The following NBPF12 variants were observed in gnomAD, a reference collection of about 807,000 sequenced individuals.
NBPF12 encodes NBPF member 12.
A neutral mutation model predicts 146.4 loss-of-function variants in NBPF12; 115 were observed. The ratio of observed to expected loss-of-function variants is 0.79; its 90% confidence interval spans 0.68 to 0.92. The LOEUF (loss-of-function observed/expected upper bound fraction) is 0.92, where lower values mean the gene tolerates loss of function less well. Among genes scored for constraint, NBPF12 ranks in the 40% least tolerant of loss-of-function variants. The probability of loss-of-function intolerance (pLI) is 0.00; values close to 1 mark genes in which losing one functional copy is unlikely to be tolerated. For synonymous variants in NBPF12, 385 were observed against 508.9 expected (o/e 0.76, Z 3.28); for missense variants, 1,205 against 1,326.8 (o/e 0.91, Z 1.43).
upstream of NBPF12, among the ~76,000 whole-genome samples, chr1:146,946,431 TCA>T (rs1491026863): frequency 1.5e-4 from 22 of 148,068 alleles, no homozygotes; most frequent in Non-Finnish European, 3.0e-4. Flanking sequence ...TGCAATTCCC[TCA>T]CAAATGATTT....
Position 146,957,830 on chromosome 1 carries a change from A to G in NBPF12, c.-183-2029A>G, listed in dbSNP as rs1280745981. Among the ~76,000 whole-genome samples the G allele has an allele frequency of 4.8e-4, 45 of 93,332 alleles. 11 individuals are homozygous for G. In the East Asian group the frequency reaches 0.027, roughly 56 times the overall value. The allele number at this position is 93,332 out of a possible 152,430, so 61.2% of individuals were successfully genotyped here. A position where few individuals can be genotyped will look rare whatever the true frequency, so the allele number is the denominator to read the frequency against. ...CCTCGCTCCGCCACTTAAAAAAGAA[A>G]AAAAAAATATAATATATATATATAT... On this transcript the variant is annotated intron_variant, in intron 2 of 33. Transcript: ENST00000617844.
chr1:146,963,288 C>A, exon 6 of NBPF12: 1 of 1,612,060 alleles, frequency 6.2e-7, no homozygotes, highest in South Asian at 1.1e-5. Context: ...GGCACAGCAA[C>A]TTGTCCAAAA....
chr1:146,992,454 C>G (rs1559532379), intron 31 of NBPF12, among the ~76,000 whole-genome samples: 1 of 104,532 alleles, frequency 9.6e-6, no homozygotes, highest in Non-Finnish European at 1.8e-5. Context: ...CTCTCTCTCT[C>G]TCTCTCTCTG....
At chr1:146,944,568 C>T (rs1239497684), upstream of NBPF12, among the ~76,000 whole-genome samples, 8 of 150,798 alleles carry the variant, frequency 5.3e-5, no homozygotes, top group Non-Finnish European at 1.0e-4. Flanking sequence ...CTTTGGGGCA[C>T]CAGAACTTAT....
At position 146,984,297 on chromosome 1, in the gene NBPF12, G is replaced by C. The variant is rs1657573726; in HGVS notation, c.2666+112G>C. The C allele has an allele frequency of 6.3e-6, 5 of 787,790 alleles. No individual in the cohort carries two copies. The South Asian group carries it at 6.7e-5, about 11-fold the overall frequency. 48.8% of individuals were successfully genotyped at this position (787,790 alleles called of 1,614,324 possible). ...TGATTTTGTCTTGTCAGACAAGTCTGAATTATGCCTACTGCATTGTTTTTT... is the reference window on the plus strand; with the variant it reads ...TGATTTTGTCTTGTCAGACAAGTCTCAATTATGCCTACTGCATTGTTTTTT... On this transcript the variant is annotated intron_variant, in intron 21 of 33. Transcript: ENST00000617844.
chr1:146,942,128 G>A (rs1654838720), intron 1 of NBPF12, among the ~76,000 whole-genome samples: 1 of 150,946 alleles, frequency 6.6e-6, no homozygotes, highest in African/African-American at 2.5e-5. Context: ...AAAGTGCTGG[G>A]ATTACGGCAT....
intron 4 of NBPF12, among the ~76,000 whole-genome samples, chr1:146,961,126 A>G (rs1185758846): frequency 2.0e-5 from 3 of 152,100 alleles, no homozygotes; most frequent in Non-Finnish European, 2.9e-5. Context: ...AGCATGGGTG[A>G]CAGGGCAAGA....
chr1:146,976,180 C>G (rs1258855015), intron 16 of NBPF12, among the ~76,000 whole-genome samples: 1 of 151,226 alleles, frequency 6.6e-6, no homozygotes, highest in Non-Finnish European at 1.5e-5. Context: ...TGGGAGCAGG[C>G]TTGTTAGAGT....
exon 6 of NBPF12, chr1:146,963,282 C>G (rs1353128692): frequency 6.2e-7 from 1 of 1,612,056 alleles, no homozygotes; most frequent in Non-Finnish European, 8.5e-7. Flanking sequence ...TAGACTGGCA[C>G]AGCAACTTGT....
intron 4 of NBPF12, among the ~76,000 whole-genome samples, chr1:146,960,880 G>A (rs1655804508): frequency 6.6e-6 from 1 of 152,092 alleles, no homozygotes; most frequent in African/African-American, 2.4e-5. Context: ...GTGCAGCATG[G>A]CTCACTCCTG....
chr1:146,963,223 C>T lies in NBPF12; in HGVS notation c.407C>T (p.Pro136Leu), dbSNP rs1435293060. The change falls in exon 6 of 34, where the codon CCG becomes CTG. Residue 136 changes from proline to leucine, a missense_variant. Pro to Leu is a moderately conservative substitution (Grantham distance 98). Around this residue, in one of 16 missense-constraint regions of NBPF12, gnomAD observed 325 missense variants for 236.6 expected, o/e 1.37. Transcript: ENST00000617844. ...CAGGCCCTCCTCACTCCGGATGAGC[C>T]GGACAAGTCCCAGGGGCAGGACCTC... 60 of 1,610,902 alleles carry T rather than the reference C, an allele frequency of 3.7e-5. No individual in the cohort carries two copies. The East Asian group carries it at 6.7e-4, about 18-fold the overall frequency.
rs1353948372 is a variant in NBPF12 at position 146,954,713 on chromosome 1, ACTAC to A, written c.-184+3228_-184+3231del. Among the ~76,000 whole-genome samples, 11 of 150,656 alleles carry A rather than the reference ACTAC, an allele frequency of 7.3e-5. 2 individuals are homozygous for A. The highest frequency in any genetic ancestry group is 7.3e-4 in the Admixed American group (11 of 15,154). On this transcript the variant is annotated intron_variant, in intron 2 of 33. Transcript: ENST00000617844. ...TAAAAGAATAATGGTGAATGAATTC[ACTAC>A]CTATTTCCAGAATTACTCTACATAC...
chr1:146,960,866 G>C, intron 4 of NBPF12, among the ~76,000 whole-genome samples: 2 of 152,140 alleles, frequency 1.3e-5, no homozygotes, highest in South Asian at 4.2e-4. Flanking sequence ...AGGGAGTAGG[G>C]GCCGTGCAGC....
chr1:146,946,440 A>T (rs1212403909), upstream of NBPF12, among the ~76,000 whole-genome samples: 4 of 132,910 alleles, frequency 3.0e-5, no homozygotes, highest in African/African-American at 1.1e-4. Flanking sequence ...CTCACAAATG[A>T]TTTTGAGCAT....
Position 146,953,815 on chromosome 1 carries a change from A to G in NBPF12, c.-184+2326A>G, listed in dbSNP as rs1475155621. 1.3e-4 allele frequency among the ~76,000 whole-genome samples: 19 copies of G among 151,222 alleles called. No individual in the cohort carries two copies. In the East Asian group the frequency reaches 1.8e-3, roughly 14 times the overall value. On this transcript the variant is annotated intron_variant, in intron 2 of 33. Coordinates refer to ENST00000617844, the Ensembl canonical transcript of NBPF12. The stretch of plus-strand genomic sequence containing the variant: ...GTTGTTACTCTTTTAATTCAGCATT[A>G]TACTAGAGCTCTAAGTCAATGCAAT...
At chr1:146,967,682 C>G (rs1282363031) in intron 9 of NBPF12, among the ~76,000 whole-genome samples, 1 of 149,726 alleles carries the variant, frequency 6.7e-6, no homozygotes, top group Non-Finnish European at 1.5e-5. Context: ...CTCCTGGGCT[C>G]CATCCAAGGT....
intron 1 of NBPF12, among the ~76,000 whole-genome samples, chr1:146,941,776 AAAG>A: frequency 7.1e-6 from 1 of 141,174 alleles, no homozygotes; most frequent in African/African-American, 2.6e-5. Context: ...AAAAAAAAAA[AAAG>A]AAAGAAAAAA....
chr1:146,962,684 A>G (rs1159527851), intron 5 of NBPF12, among the ~76,000 whole-genome samples: 20,567 of 147,474 alleles, frequency 0.14, 1,418 homozygotes, highest in Middle Eastern at 0.23. Flanking sequence ...TTCTTCTTTC[A>G]TCTTTTCAAT....
At chr1:146,962,004 A>C (rs1479597644) in intron 4 of NBPF12, among the ~76,000 whole-genome samples, 157 bp from the exon 8 acceptor site, 20 of 152,178 alleles carry the variant, frequency 1.3e-4, no homozygotes, top group African/African-American at 4.6e-4. Context: ...CCAGAAAGTC[A>C]GGAGACTGAA....
Sources: gnomAD v4.1 joint callset for allele counts (sites outside exome capture counted in the v4.1 genomes callset) on GRCh38, gnomAD v4.1.1 for gene constraint, gnomAD v4.1.1 regional missense constraint, MANE v1.5 for transcripts, NCBI Gene and HGNC (gene_info 2026-07-23, HGNC 2026-07-21) for gene names.